The following USP40 variants were observed in gnomAD, a reference collection of about 807,000 sequenced individuals.
USP40 encodes ubiquitin specific peptidase 40, also known as ubiquitin carboxyl-terminal hydrolase 40.
USP40 carries 143 observed loss-of-function variants against 166.2 expected under a neutral mutation model. That is an observed-to-expected ratio of 0.86 (90% CI 0.75 to 0.99). USP40 has a LOEUF of 0.99. Ranked by LOEUF, USP40 falls within the 50% of genes least tolerant of loss-of-function variation. USP40 has a pLI of 0.00. For missense variants in USP40, 1,444 were observed against 1,479.7 expected (o/e 0.98, Z 0.40); for synonymous variants, 498 against 524.0 (o/e 0.95, Z 0.68).
At chr2:233,511,918 G>A in intron 19 of USP40, 121 bp from the exon 20 acceptor site, 1 of 758,258 alleles carries the variant, frequency 1.3e-6, no homozygotes, top group Non-Finnish European at 2.1e-6. Flanking sequence ...AAAATGAGTT[G>A]CACTTCAGAC....
At chr2:233,523,114 T>C in intron 16 of USP40, 56 bp downstream of exon 16, 1 of 1,519,850 alleles carries the variant, frequency 6.6e-7, no homozygotes. Context: ...TTCTGCTGGG[T>C]GGTACTGTAA....
chr2:233,522,554 T>C (rs1038273434), intron 16 of USP40, among the ~76,000 whole-genome samples: 3 of 152,190 alleles, frequency 2.0e-5, no homozygotes, highest in African/African-American at 4.8e-5. Context: ...GTCTTCAATA[T>C]ATGGAAATAT....
At position 233,498,597 on chromosome 2, in the gene USP40, A is replaced by G. The variant is rs771110733; in HGVS notation, c.2666T>C (p.Leu889Ser). ...TTCATAGCACCAATCCATTTTTCGT[A>G]AATGCCAGGCATCTCCTATAAAGGA... is the stretch of plus-strand genomic sequence containing the variant. ...KSGLQGDAWH[L>S]RKMDWCYEAG... Residue 889 changes from leucine (L) to serine (S), a missense_variant, in exon 23 of 32, where the codon TTA (leucine) becomes TCA (serine). Leu to Ser is a moderately radical substitution (Grantham distance 145). Coordinates refer to ENST00000678225, the MANE Select transcript of USP40 (RefSeq NM_001365479.2). The G allele has an allele frequency of 1.3e-5, 21 of 1,613,266 alleles. No individual in the cohort carries two copies. Among genetic ancestry groups the G allele is most frequent in the Non-Finnish European group, 1.7e-5 (20 of 1,179,610 alleles).
chr2:233,512,454 C>A, intron 19 of USP40, 115 bp downstream of exon 19: 1 of 525,856 alleles, frequency 1.9e-6, no homozygotes, highest in Non-Finnish European at 3.1e-6. Flanking sequence ...GAAAATATGT[C>A]CTATAAATCA....
chr2:233,535,821 A>T (rs2068895553), intron 10 of USP40, among the ~76,000 whole-genome samples: 1 of 152,194 alleles, frequency 6.6e-6, no homozygotes, highest in Non-Finnish European at 1.5e-5. Flanking sequence ...TGTTTTTCTT[A>T]AAAAATCTAT....
chr2:233,554,506 T>C lies in USP40; in HGVS notation c.567A>G (p.Thr189=). 1 of 1,610,068 alleles carries C rather than the reference T, an allele frequency of 6.2e-7. No homozygotes were observed. Among genetic ancestry groups the C allele is most frequent in the Non-Finnish European group, 8.5e-7 (1 of 1,178,726 alleles). Residue 189 remains threonine, a synonymous_variant, in exon 6 of 32, where the codon ACA becomes ACG. Coordinates refer to ENST00000678225, the MANE Select transcript of USP40 (RefSeq NM_001365479.2). The part of the protein sequence containing the change: ...SERQEDFLDL[T]VAVKNVSGLE... Reference sequence around the variant, plus strand: ...AACCGGATACATTTTTGACTGCTACTGTTAGATCTAAGAAGTCTTCCTGAA... The same window carrying C: ...AACCGGATACATTTTTGACTGCTACCGTTAGATCTAAGAAGTCTTCCTGAA...
chr2:233,499,898 C>T lies in USP40; in HGVS notation c.2631G>A (p.Leu877=). 1.2e-6 allele frequency: 2 copies of T among 1,612,038 alleles called. No homozygotes were observed. Among genetic ancestry groups the T allele is most frequent in the South Asian group, 2.2e-5 (2 of 90,658 alleles). ...ISVRDCLKLM[L]KKSGLQGDAW... Reference sequence around the variant, plus strand: ...ACTTACCTTGTAGGCCAGATTTCTTCAGCATTAACTTTAAACACTGTAAAG... The same window carrying T: ...ACTTACCTTGTAGGCCAGATTTCTTTAGCATTAACTTTAAACACTGTAAAG... Residue 877 remains leucine (L), a synonymous_variant, in exon 22 of 32, where the codon CTG becomes CTA. Coordinates refer to ENST00000678225, the MANE Select transcript of USP40 (RefSeq NM_001365479.2).
In USP40 at chr2:233,480,121, A is replaced by C. The variant is rs567604925; in HGVS notation, c.3599+1082T>G. On this transcript the variant is annotated intron_variant, in intron 31 of 31. Coordinates refer to ENST00000678225, the MANE Select transcript of USP40 (RefSeq NM_001365479.2). The surrounding 1 kb of genome is among the most constrained non-coding windows in gnomAD (Gnocchi z 4.5). The stretch of plus-strand genomic sequence containing the variant: ...CTGCCATGGTCACGAGGTCACGCTC[A>C]CCTGCCCTGCCACCTCCACCTGGGA... Among the ~76,000 whole-genome samples the C allele has an allele frequency of 6.6e-6, 1 of 152,166 alleles. No individual in the cohort carries two copies. The highest frequency in any genetic ancestry group is 2.4e-5 in the African/African-American group (1 of 41,518).
Position 233,556,941 on chromosome 2 carries a change from C to T in USP40, c.460G>A (p.Gly154Ser), listed in dbSNP as rs754584208. 81 of 1,613,728 alleles carry T rather than the reference C, an allele frequency of 5.0e-5. No homozygotes were observed. The highest frequency in any genetic ancestry group is 8.3e-5 in the Admixed American group (5 of 59,992). The change falls in exon 5 of 32, where the codon GGT becomes AGT. Residue 154 changes from glycine (G) to serine (S), a missense_variant. Transcript: ENST00000678225. ...TACAGACGATAGATGAGGTCATGAC[C>T]GGAGGTCCCAACTAAAGAAGTTTCC... ...ALETSLVGTS[G>S]HDLIYRLYHG...
chr2:233,478,293 C>T (rs2064313105), intron 31 of USP40, among the ~76,000 whole-genome samples: 1 of 152,190 alleles, frequency 6.6e-6, no homozygotes, highest in African/African-American at 2.4e-5. Context: ...ATTCCACACC[C>T]ACACACAGGG....
At chr2:233,488,060 T>G (rs2065062003) in intron 28 of USP40, 179 bp downstream of exon 28, 1 of 719,274 alleles carries the variant, frequency 1.4e-6, no homozygotes, top group Non-Finnish European at 2.6e-6. Flanking sequence ...GGAGAATAAG[T>G]CCCAAGTTTT....
chr2:233,486,016 C>T lies in USP40; in HGVS notation c.3198-39G>A. On this transcript the variant is annotated intron_variant, in intron 28 of 31. Transcript: ENST00000678225. The surrounding 1 kb of genome is among the most constrained non-coding windows in gnomAD (Gnocchi z 4.0). The stretch of plus-strand genomic sequence containing the variant: ...CCGTCAAGCGCCAGATCCAAACAAA[C>T]AAACAAAACCACGTGGTAACTTGAG... 1 of 1,531,510 alleles carries T rather than the reference C, an allele frequency of 6.5e-7. No individual in the cohort carries two copies. Among genetic ancestry groups the T allele is most frequent in the African/African-American group, 1.4e-5 (1 of 71,760 alleles). The allele number at this position is 1,531,510 out of a possible 1,614,324, so 94.9% of individuals were successfully genotyped here. A position where few individuals can be genotyped will look rare whatever the true frequency, so the allele number is the denominator to read the frequency against.
chr2:233,554,552 G>T (rs374578540), intron 5 of USP40, 26 bp from the exon 6 acceptor site: 5 of 1,566,222 alleles, frequency 3.2e-6, no homozygotes, highest in South Asian at 1.2e-5. Flanking sequence ...ATATAATATT[G>T]AAAAACAATT....
At chr2:233,559,698 AAAC>A (rs1346931460) in intron 4 of USP40, 110 bp downstream of exon 4, 1 of 610,734 alleles carries the variant, frequency 1.6e-6, no homozygotes, top group Non-Finnish European at 2.6e-6. Context: ...GGAAACATTC[AAAC>A]AATATGTTGA....
intron 11 of USP40, among the ~76,000 whole-genome samples, chr2:233,530,239 CACAA>C (rs2068411605): frequency 6.7e-6 from 1 of 150,218 alleles, no homozygotes; most frequent in African/African-American, 2.4e-5. Context: ...CAGGCACACA[CACAA>C]ACACACACAA....
intron 2 of USP40, 82 bp downstream of exon 2, chr2:233,565,274 G>T (rs2072035678): frequency 9.7e-7 from 1 of 1,034,150 alleles, no homozygotes; most frequent in Non-Finnish European, 1.4e-6. Context: ...AAGATAATTG[G>T]TCTATTTGTG....
chr2:233,528,420 G>T (rs1315997327), intron 12 of USP40, among the ~76,000 whole-genome samples: 1 of 152,136 alleles, frequency 6.6e-6, no homozygotes, highest in Non-Finnish European at 1.5e-5. Context: ...CACAGGTAGG[G>T]TCTGACCAAT....
chr2:233,488,695 C>T (rs2065109031), intron 27 of USP40, among the ~76,000 whole-genome samples: 1 of 152,286 alleles, frequency 6.6e-6, no homozygotes, highest in East Asian at 1.9e-4. Context: ...GGAAGGATTG[C>T]TTGAGGCTAG....
chr2:233,549,324 G>C, intron 7 of USP40, 95 bp from the exon 8 acceptor site: 2 of 780,426 alleles, frequency 2.6e-6, no homozygotes, highest in Non-Finnish European at 1.9e-6. Flanking sequence ...AAATTAATAA[G>C]AAACTTCACT....
Sources: allele counts gnomAD v4.1 joint callset (sites outside exome capture counted in the v4.1 genomes callset), GRCh38; gene constraint gnomAD v4.1.1; non-coding constraint Gnocchi (gnomAD v3.1); transcripts MANE v1.5; gene names NCBI Gene and HGNC (gene_info 2026-07-23, HGNC 2026-07-21).